The following ROBO2 variants were observed in gnomAD, a reference collection of about 807,000 sequenced individuals.
ROBO2 encodes roundabout homolog 2.
ROBO2 carries 53 observed loss-of-function variants against 160.8 expected under a neutral mutation model. The ratio of observed to expected loss-of-function variants is 0.33; its 90% CI spans 0.26 to 0.41. The LOEUF (loss-of-function observed/expected upper bound fraction) is 0.41. Ranked by LOEUF, ROBO2 falls within the 10% of genes least tolerant of loss-of-function variation. The pLI is 1.00. For missense variants in ROBO2, 1,577 were observed against 1,722.4 expected, an observed-to-expected ratio of 0.92 and a Z score of 1.49; for synonymous variants, 664 against 611.7, an observed-to-expected ratio of 1.09 and a Z score of -1.26.
chr3:77,049,434 T>C (rs909054606), intron 1 of ROBO2, among the ~76,000 whole-genome samples: 4 of 152,200 alleles, frequency 2.6e-5, no homozygotes, highest in Non-Finnish European at 5.9e-5. Context: ...GTAGCATATC[T>C]GTGTTTTGGT....
Position 76,272,795 on chromosome 3 carries a change from T to TAATATATATTTATATATAAA in ROBO2, c.109+335194_109+335195insATATATATTTATATATAAAA, listed in dbSNP as rs1553692972. 1.5e-4 allele frequency among the ~76,000 whole-genome samples: 6 copies of TAATATATATTTATATATAAA among 40,156 alleles called. 1 individual carries two copies. The highest frequency in any genetic ancestry group is 2.9e-4 in the Non-Finnish European group (6 of 20,440). The allele number at this position is 40,156 out of a possible 152,430, so 26.3% of individuals were successfully genotyped here. On this transcript the variant is annotated intron_variant, in intron 2 of 26. Coordinates refer to the ROBO2 transcript ENST00000487694. ...TTATATATAAAATATATAAAATATA[T>TAATATATATTTATATATAAA]ATATATAAAATATATAATATGTATT...
chr3:76,326,945 A>G (rs2073083056), intron 2 of ROBO2, among the ~76,000 whole-genome samples: 1 of 151,886 alleles, frequency 6.6e-6, no homozygotes, highest in African/African-American at 2.4e-5. Flanking sequence ...GCACATATAC[A>G]CCATAGAATT....
intron 2 of ROBO2, among the ~76,000 whole-genome samples, chr3:76,921,723 C>G (rs2076674659): frequency 6.6e-6 from 1 of 152,126 alleles, no homozygotes; most frequent in Non-Finnish European, 1.5e-5. Context: ...AAGCACCATT[C>G]TTGGCACTTG....
chr3:77,052,370 C>T (rs2065309823), intron 1 of ROBO2, among the ~76,000 whole-genome samples: 1 of 152,094 alleles, frequency 6.6e-6, no homozygotes, highest in African/African-American at 2.4e-5. Context: ...CCACTCAGAG[C>T]AATAATAAAA....
At chr3:76,560,831 C>A (rs923830289) in intron 2 of ROBO2, among the ~76,000 whole-genome samples, 1 of 149,738 alleles carries the variant, frequency 6.7e-6, no homozygotes, top group Non-Finnish European at 1.5e-5. Context: ...AACTGATTTA[C>A]TGGCCCTAAA....
At chr3:76,316,399 C>G (rs757318106) in intron 2 of ROBO2, among the ~76,000 whole-genome samples, 1 of 152,070 alleles carries the variant, frequency 6.6e-6, no homozygotes, top group African/African-American at 2.4e-5. Context: ...TTAGTGATAT[C>G]GCTCCTACTT....
At chr3:77,643,878 A>C (rs1219817783) in intron 24 of ROBO2, among the ~76,000 whole-genome samples, 2 of 152,178 alleles carry the variant, frequency 1.3e-5, no homozygotes, top group Admixed American at 1.3e-4. Flanking sequence ...TACACCATTC[A>C]GGCTGTGAGA....
chr3:77,011,279 C>A (rs777196756), intron 2 of ROBO2, among the ~76,000 whole-genome samples: 10 of 151,936 alleles, frequency 6.6e-5, no homozygotes, highest in Non-Finnish European at 1.0e-4. Flanking sequence ...ATATTTAGTG[C>A]CTAGTTCAGG....
At chr3:76,382,653 T>C (rs1301821312) in intron 2 of ROBO2, among the ~76,000 whole-genome samples, 2 of 152,180 alleles carry the variant, frequency 1.3e-5, no homozygotes, top group African/African-American at 4.8e-5. Context: ...TCTTCTATGA[T>C]TGTTCAATCT....
At chr3:76,252,291 T>G (rs1259215632) in intron 2 of ROBO2, among the ~76,000 whole-genome samples, 1 of 152,110 alleles carries the variant, frequency 6.6e-6, no homozygotes, top group East Asian at 1.9e-4. Flanking sequence ...AAGAGTGGGT[T>G]CATTTCCAAA....
intron 2 of ROBO2, among the ~76,000 whole-genome samples, chr3:76,141,487 A>T (rs1457229679): frequency 6.6e-6 from 1 of 151,760 alleles, no homozygotes; most frequent in Admixed American, 6.6e-5. Context: ...TAATTAAAAA[A>T]ATCCTAGCAA....
chr3:77,619,396 T>C (rs2094852384), intron 22 of ROBO2, among the ~76,000 whole-genome samples: 1 of 152,130 alleles, frequency 6.6e-6, no homozygotes, highest in Non-Finnish European at 1.5e-5. Flanking sequence ...CACTCAAAGC[T>C]ACAGTCTATT....
intron 17 of ROBO2, among the ~76,000 whole-genome samples, chr3:77,589,391 C>A (rs1292099016): frequency 6.6e-6 from 1 of 151,886 alleles, no homozygotes; most frequent in Non-Finnish European, 1.5e-5. Flanking sequence ...AAATGTCCCT[C>A]GTGAAAAATA....
intron 2 of ROBO2, among the ~76,000 whole-genome samples, chr3:76,305,241 A>G (rs1234645633): frequency 6.6e-6 from 1 of 151,784 alleles, no homozygotes; most frequent in Non-Finnish European, 1.5e-5. Context: ...AGCTAGAAAA[A>G]TTAGCCAGGT....
At chr3:76,998,681 C>G (rs1039677173) in intron 2 of ROBO2, among the ~76,000 whole-genome samples, 2 of 152,136 alleles carry the variant, frequency 1.3e-5, no homozygotes, top group Non-Finnish European at 2.9e-5. Context: ...AAACCCTTCA[C>G]ATCGTGATAT....
chr3:77,204,287 A>G (rs1192165203), intron 2 of ROBO2, among the ~76,000 whole-genome samples: 3 of 152,210 alleles, frequency 2.0e-5, no homozygotes, highest in Non-Finnish European at 4.4e-5. Context: ...CATTCAGTGC[A>G]TGCAACTAAA....
intron 2 of ROBO2, among the ~76,000 whole-genome samples, chr3:77,215,863 T>A (rs1206085368): frequency 6.6e-6 from 1 of 152,242 alleles, no homozygotes; most frequent in African/African-American, 2.4e-5. Context: ...CCTGTTTGCC[T>A]AGGTATCAGC....
intron 2 of ROBO2, among the ~76,000 whole-genome samples, chr3:76,735,017 A>T (rs2093687450): frequency 6.6e-6 from 1 of 152,238 alleles, no homozygotes; most frequent in African/African-American, 2.4e-5. Context: ...TGTAGGAAGC[A>T]GTTTGGAGAT....
At chr3:76,826,700 T>C (rs956981316) in intron 2 of ROBO2, among the ~76,000 whole-genome samples, 1 of 152,186 alleles carries the variant, frequency 6.6e-6, no homozygotes, top group Non-Finnish European at 1.5e-5. Flanking sequence ...TCCAAAAATA[T>C]GTTAGTTCTA....
Sources: gnomAD v4.1 joint callset for allele counts (sites outside exome capture counted in the v4.1 genomes callset) on GRCh38, gnomAD v4.1.1 for gene constraint, MANE v1.5 for transcripts, NCBI Gene and HGNC (gene_info 2026-07-23, HGNC 2026-07-21) for gene names.